The following SLFN12L variants were observed in gnomAD, a reference collection of about 807,000 sequenced individuals.
The protein encoded by SLFN12L is schlafen family member 12-like.
Under a neutral mutation model 34.8 loss-of-function variants are expected in SLFN12L, and 34 were observed. The observed-to-expected ratio is 0.98, with a 90% CI of 0.74 to 1.30. The LOEUF (loss-of-function observed/expected upper bound fraction) is 1.30, where lower values mean the gene tolerates loss of function less well. Among genes scored for constraint, SLFN12L ranks in the 50% most tolerant of loss-of-function variants. SLFN12L has a pLI of 0.00. For synonymous variants in SLFN12L, 259 were observed against 247.5 expected (o/e 1.05, Z -0.44); for missense variants, 703 against 696.2 (o/e 1.01, Z -0.11).
intron 2 of SLFN12L, among the ~76,000 whole-genome samples, chr17:35,495,726 C>T (rs138076466): frequency 1.3e-3 from 194 of 151,138 alleles, no homozygotes; most frequent in Non-Finnish European, 1.9e-3. Context: ...AGATTGGTGC[C>T]CACTCGACCC....
intron 1 of SLFN12L, among the ~76,000 whole-genome samples, chr17:35,529,449 T>C (rs1322554540): frequency 3.9e-5 from 6 of 152,216 alleles, no homozygotes; most frequent in Non-Finnish European, 8.8e-5. Context: ...CCAACCCAAA[T>C]GTCCATCAAT....
chr17:35,528,192 A>T (rs577256067), intron 1 of SLFN12L, among the ~76,000 whole-genome samples: 4 of 152,334 alleles, frequency 2.6e-5, no homozygotes, highest in Non-Finnish European at 4.4e-5. Context: ...TGCTCAAGGA[A>T]ATAAGAGAGG....
intron 2 of SLFN12L, among the ~76,000 whole-genome samples, chr17:35,500,740 A>G (rs1454522227): frequency 6.6e-6 from 1 of 152,040 alleles, no homozygotes; most frequent in East Asian, 1.9e-4. Context: ...AAAAAAAAAA[A>G]AAGATCGACC....
intron 1 of SLFN12L, among the ~76,000 whole-genome samples, chr17:35,528,132 A>G (rs978814748): frequency 2.6e-5 from 4 of 152,178 alleles, no homozygotes; most frequent in African/African-American, 9.7e-5. Flanking sequence ...ACCTAGGAAT[A>G]CAACTTACAA....
In SLFN12L at chr17:35,498,203, G is replaced by A. The variant is rs59005988; in HGVS notation, c.87-18008C>T. 2,818 of 731,042 alleles carry A rather than the reference G, an allele frequency of 3.9e-3. 63 individuals carry two copies. The African/African-American group carries it at 0.042, about 11-fold the overall frequency. 45.3% of individuals were successfully genotyped at this position (731,042 alleles called of 1,614,324 possible). On this transcript the variant is annotated intron_variant, in intron 2 of 4. Transcript: ENST00000628453. ...GCGGCGTGGGGAGCCGGGGCCGCCT[G>A]GGATGTTCAGTCATGAAATGAGTGC... is the stretch of plus-strand genomic sequence containing the variant.
intron 2 of SLFN12L, chr17:35,490,692 A>G: frequency 8.4e-7 from 1 of 1,185,414 alleles, no homozygotes; most frequent in Non-Finnish European, 1.3e-6. Context: ...CCGAGGATTC[A>G]GATCGTCAAA....
At chr17:35,498,176 C>A in intron 2 of SLFN12L, 2 of 272,342 alleles carry the variant, frequency 7.3e-6, no homozygotes, top group Admixed American at 5.9e-5. Context: ...ATCCGGGAGG[C>A]GGCGGCGTGG....
intron 2 of SLFN12L, among the ~76,000 whole-genome samples, chr17:35,509,818 C>T (rs1915580348): frequency 6.6e-6 from 1 of 152,006 alleles, no homozygotes; most frequent in Non-Finnish European, 1.5e-5. Flanking sequence ...CTCCCTCAGC[C>T]TCCCGAGTAG....
At chr17:35,477,798 A>G (rs1242114770) in intron 4 of SLFN12L, among the ~76,000 whole-genome samples, 1 of 152,142 alleles carries the variant, frequency 6.6e-6, no homozygotes, top group African/African-American at 2.4e-5. Context: ...TTTCCAATAT[A>G]TTGCTGGTGG....
chr17:35,495,943 ACAC>A (rs1915051730), intron 2 of SLFN12L, among the ~76,000 whole-genome samples: 2 of 133,300 alleles, frequency 1.5e-5, no homozygotes, highest in South Asian at 2.4e-4. Flanking sequence ...ACACACACAC[ACAC>A]AACAAAACGC....
chr17:35,467,281 C>A lies in SLFN12L; in HGVS notation c.*7642G>T, dbSNP rs945812884. Among the ~76,000 whole-genome samples the A allele has an allele frequency of 6.6e-6, 1 of 152,218 alleles. No homozygotes were observed. The highest frequency in any genetic ancestry group is 2.4e-5 in the African/African-American group (1 of 41,456). On this transcript the variant is annotated 3_prime_UTR_variant, in exon 5 of 5. Transcript: ENST00000628453. Reference sequence around the variant, plus strand: ...ATTACCGAATGCTGGATGCCCTGGCCAACAAATGGCCCCATCTCCATATTC... The same window carrying A: ...ATTACCGAATGCTGGATGCCCTGGCAAACAAATGGCCCCATCTCCATATTC...
intron 2 of SLFN12L, among the ~76,000 whole-genome samples, chr17:35,484,826 T>C (rs576585054): frequency 6.6e-6 from 1 of 152,304 alleles, no homozygotes; most frequent in South Asian, 2.1e-4. Context: ...AAAAAAAAAT[T>C]TACTCGGGTA....
chr17:35,519,070 C>T (rs1003836790), intron 2 of SLFN12L, among the ~76,000 whole-genome samples: 2 of 152,168 alleles, frequency 1.3e-5, no homozygotes, highest in African/African-American at 4.8e-5. Flanking sequence ...CCATGATTCT[C>T]AGCAAACTAA....
chr17:35,491,044 G>T, intron 2 of SLFN12L: 1 of 786,430 alleles, frequency 1.3e-6, no homozygotes, highest in South Asian at 1.3e-5. Context: ...AGCAGACTGC[G>T]GACCAAATTC....
rs1251357471 is a variant in SLFN12L at position 35,466,194 on chromosome 17, ATTC to A, written c.*8726_*8728del. On this transcript the variant is annotated 3_prime_UTR_variant, in exon 5 of 5. Coordinates refer to ENST00000628453, the MANE Select transcript of SLFN12L (RefSeq NM_001363830.2). ...CATTGCGACTTTTACATTAGCGTTCATTCTTCTTGTACATTTTATGGGTTCAGA... is the reference window on the plus strand; with the variant it reads ...CATTGCGACTTTTACATTAGCGTTCATTCTTGTACATTTTATGGGTTCAGA... 1.3e-5 allele frequency among the ~76,000 whole-genome samples: 2 copies of A among 152,190 alleles called. No homozygotes were observed. Among genetic ancestry groups the A allele is most frequent in the Non-Finnish European group, 2.9e-5 (2 of 68,040 alleles).
chr17:35,479,703 T>A lies in SLFN12L; in HGVS notation c.579A>T (p.Lys193Asn). 6.2e-7 allele frequency: 1 copy of A among 1,614,002 alleles called. No homozygotes were observed. Among genetic ancestry groups the A allele is most frequent in the Non-Finnish European group, 8.5e-7 (1 of 1,179,926 alleles). Residue 193 changes from lysine to asparagine, a missense_variant, in exon 3 of 5, where the codon AAA becomes AAT. Physicochemically the swap from Lys to Asn is moderately conservative, Grantham distance 94 (BLOSUM62 0). Transcript: ENST00000628453. Reference protein sequence around the residue: ...AALEFLKDMEKTGGRAYLRPE... With the variant: ...AALEFLKDMENTGGRAYLRPE... ...GTCTTAAATATGCTCTCCCTCCAGT[T>A]TTTTCCATGTCTTTGAGGAACTCCA...
intron 1 of SLFN12L, among the ~76,000 whole-genome samples, chr17:35,523,607 C>A (rs181030680): frequency 4.4e-4 from 67 of 152,252 alleles, no homozygotes; most frequent in African/African-American, 1.5e-3. Flanking sequence ...GGAACAATTA[C>A]GTGACATGAG....
rs1913795345 is a variant in SLFN12L at position 35,470,830 on chromosome 17, G to A, written c.*4093C>T. Among the ~76,000 whole-genome samples the A allele has an allele frequency of 6.6e-6, 1 of 151,678 alleles. No homozygotes were observed. The highest frequency in any genetic ancestry group is 6.6e-5 in the Admixed American group (1 of 15,234). On this transcript the variant is annotated 3_prime_UTR_variant, in exon 5 of 5. Transcript: ENST00000628453. ...CCCTCACTCTCCCCACCCCACAACA[G>A]GCCCTGGTGTGTGTTAATCCTTTCC...
chr17:35,536,406 C>G (rs2072461764), intron 1 of SLFN12L, among the ~76,000 whole-genome samples: 1 of 152,096 alleles, frequency 6.6e-6, no homozygotes, highest in Non-Finnish European at 1.5e-5. Context: ...CAAAAAGACC[C>G]AATGCAGTGA....
Sources: gnomAD v4.1 joint callset for allele counts (sites outside exome capture counted in the v4.1 genomes callset) on GRCh38, gnomAD v4.1.1 for gene constraint, MANE v1.5 for transcripts, NCBI Gene and HGNC (gene_info 2026-07-23, HGNC 2026-07-21) for gene names.